Variants in ABAT observed in about 807,000 individuals in gnomAD.
ABAT encodes 4-aminobutyrate aminotransferase, mitochondrial.
Under a neutral mutation model 64.6 loss-of-function variants are expected in ABAT, and 45 were observed. That is an observed-to-expected ratio of 0.70 (90% CI 0.55 to 0.89). The LOEUF (loss-of-function observed/expected upper bound fraction) is 0.89, where lower values mean the gene tolerates loss of function less well. Ranked by LOEUF, ABAT falls within the 40% of genes least tolerant of loss-of-function variation. ABAT has a pLI of 0.00. For missense variants in ABAT, 633 were observed against 658.4 expected (o/e 0.96, Z 0.42); for synonymous variants, 297 against 250.5 (o/e 1.19, Z -1.75).
chr16:8,716,891 A>G (rs952050384), intron 1 of ABAT, among the ~76,000 whole-genome samples: 13 of 152,232 alleles, frequency 8.5e-5, no homozygotes, highest in African/African-American at 3.1e-4. Context: ...TGAGCATCTG[A>G]GACGTGGCTA....
At chr16:8,714,439 C>T (rs1196579430) in intron 1 of ABAT, among the ~76,000 whole-genome samples, 1 of 152,218 alleles carries the variant, frequency 6.6e-6, no homozygotes, top group Non-Finnish European at 1.5e-5. Flanking sequence ...CGGCTCACGC[C>T]AAGAGTAGAT....
rs1207440161 is a variant in ABAT at position 8,771,464 on chromosome 16, C to CTTTTTTTT, written c.817-1313_817-1312insTTTTTTTT. 8.4e-3 allele frequency among the ~76,000 whole-genome samples: 908 copies of CTTTTTTTT among 108,004 alleles called. 23 individuals carry two copies. Among genetic ancestry groups the CTTTTTTTT allele is most frequent in the Middle Eastern group, 0.017 (3 of 176 alleles). The allele number at this position is 108,004 out of a possible 152,430, so 70.9% of individuals were successfully genotyped here. On this transcript the variant is annotated intron_variant, in intron 11 of 15. Transcript: ENST00000268251. Reference sequence around the variant, plus strand: ...TCTAGGTGTACGGTTTAGGGTTTTTCTTTCTTTTTTTTTTTTTTTTGAGAC... The same window carrying CTTTTTTTT: ...TCTAGGTGTACGGTTTAGGGTTTTTCTTTTTTTTTTTCTTTTTTTTTTTTTTTTGAGAC...
chr16:8,709,740 GA>G (rs769966784), intron 1 of ABAT, among the ~76,000 whole-genome samples: 2 of 151,962 alleles, frequency 1.3e-5, no homozygotes, highest in Non-Finnish European at 2.9e-5. Flanking sequence ...TAAGGAGTGA[GA>G]AAAGCGTGGA....
At chr16:8,759,468 C>A (rs889733420) in intron 6 of ABAT, among the ~76,000 whole-genome samples, 2 of 151,766 alleles carry the variant, frequency 1.3e-5, no homozygotes, top group African/African-American at 2.4e-5. Context: ...ATTAAGTAGA[C>A]CCCTCCCCTT....
intron 1 of ABAT, among the ~76,000 whole-genome samples, chr16:8,681,660 G>A (rs965174219): frequency 1.1e-5 from 1 of 93,986 alleles, no homozygotes; most frequent in Non-Finnish European, 2.2e-5. Context: ...TTTTTTTTTT[G>A]AGATGGAGTC....
At chr16:8,683,246 C>G (rs1166780993) in intron 1 of ABAT, 1 of 152,346 alleles carries the variant, frequency 6.6e-6, no homozygotes, top group Non-Finnish European at 1.5e-5. Flanking sequence ...GATTGAAATG[C>G]TGTATCCACT....
intron 6 of ABAT, among the ~76,000 whole-genome samples, chr16:8,758,432 C>G (rs1345485137): frequency 6.6e-6 from 1 of 152,100 alleles, no homozygotes; most frequent in East Asian, 1.9e-4. Flanking sequence ...AAGAGGGCAG[C>G]GGCAAGGGCA....
intron 2 of ABAT, among the ~76,000 whole-genome samples, chr16:8,741,979 A>C (rs974975884): frequency 6.6e-6 from 1 of 152,226 alleles, no homozygotes; most frequent in Non-Finnish European, 1.5e-5. Context: ...TTTAGTAAAG[A>C]CTGAATATGT....
intron 1 of ABAT, among the ~76,000 whole-genome samples, chr16:8,697,403 G>A (rs553446254): frequency 6.2e-4 from 94 of 152,230 alleles, no homozygotes; most frequent in African/African-American, 2.2e-3. Context: ...ACAAGACCTC[G>A]ATGGGATCAG....
chr16:8,784,139 G>A lies in ABAT; in HGVS notation c.*2709G>A, dbSNP rs2060496415. The A allele has an allele frequency of 6.6e-6, 1 of 152,654 alleles. No homozygotes were observed. The highest frequency in any genetic ancestry group is 2.1e-4 in the South Asian group (1 of 4,832). 9.5% of individuals were successfully genotyped at this position (152,654 alleles called of 1,614,324 possible). A position where few individuals can be genotyped will look rare whatever the true frequency, so the allele number is the denominator to read the frequency against. ...TGAAGAAGTGCTTCCGTGGCCGACA[G>A]TCTGGAAATGAATCCATCATACATT... On this transcript the variant is annotated 3_prime_UTR_variant, in exon 16 of 16. Transcript: ENST00000268251.
intron 2 of ABAT, among the ~76,000 whole-genome samples, chr16:8,742,723 G>A (rs59233051): frequency 0.026 from 4,020 of 151,926 alleles, 159 homozygotes; most frequent in African/African-American, 0.091. Flanking sequence ...AAAATTAGCC[G>A]GGCATGGTGA....
chr16:8,717,343 G>A (rs983653528), intron 1 of ABAT, among the ~76,000 whole-genome samples: 6 of 152,162 alleles, frequency 3.9e-5, no homozygotes, highest in African/African-American at 1.4e-4. Context: ...TTACATTTTA[G>A]ATACAATGGG....
chr16:8,713,629 C>T, intron 1 of ABAT: 1 of 318,982 alleles, frequency 3.1e-6, no homozygotes. Context: ...CTGAGTGCAT[C>T]CTTTTCCCAA....
chr16:8,719,632 A>G (rs758719548), intron 1 of ABAT, among the ~76,000 whole-genome samples: 1 of 152,168 alleles, frequency 6.6e-6, no homozygotes, highest in South Asian at 2.1e-4. Context: ...GGACCACCGC[A>G]TGTGCCAATA....
At chr16:8,738,020 A>AGAAAG (rs1596443898) in intron 2 of ABAT, among the ~76,000 whole-genome samples, 5 of 126,356 alleles carry the variant, frequency 4.0e-5, no homozygotes, top group African/African-American at 6.4e-5. Context: ...AAGAAAGGAA[A>AGAAAG]GAAAGAAAGA....
At chr16:8,716,741 G>C (rs182884161) in intron 1 of ABAT, among the ~76,000 whole-genome samples, 9 of 152,152 alleles carry the variant, frequency 5.9e-5, no homozygotes, top group Admixed American at 1.3e-4. Flanking sequence ...TTGTGCCTAC[G>C]TCATTGCAGC....
At chr16:8,778,866 C>A (rs1247959204) in intron 14 of ABAT, among the ~76,000 whole-genome samples, 1 of 152,020 alleles carries the variant, frequency 6.6e-6, no homozygotes, top group East Asian at 1.9e-4. Flanking sequence ...CTAATTATTT[C>A]TGCGAAGACC....
intron 3 of ABAT, 141 bp downstream of exon 3, chr16:8,746,239 A>C: frequency 1.3e-6 from 1 of 740,874 alleles, no homozygotes; most frequent in African/African-American, 1.7e-5. Context: ...GAGATACTCA[A>C]TGAGGCCATT....
At chr16:8,709,949 G>C (rs901165137) in intron 1 of ABAT, among the ~76,000 whole-genome samples, 1 of 151,894 alleles carries the variant, frequency 6.6e-6, no homozygotes, top group Non-Finnish European at 1.5e-5. Context: ...GACTACAGAC[G>C]TATGCTGCCA....
Sources: gnomAD v4.1 joint callset for allele counts (sites outside exome capture counted in the v4.1 genomes callset) on GRCh38, gnomAD v4.1.1 for gene constraint, MANE v1.5 for transcripts, NCBI Gene and HGNC (gene_info 2026-07-23, HGNC 2026-07-21) for gene names.